Variants in SEPTIN6 observed in about 807,000 individuals in gnomAD.
SEPTIN6 encodes the protein septin-6.
A neutral mutation model predicts 33.6 loss-of-function variants in SEPTIN6; 8 were observed. The observed-to-expected ratio is 0.24, with a 90% CI of 0.14 to 0.43. The LOEUF (loss-of-function observed/expected upper bound fraction) is 0.43, where lower values mean the gene tolerates loss of function less well. Among genes scored for constraint, SEPTIN6 ranks in the 20% least tolerant of loss-of-function variants. The pLI, the probability that SEPTIN6 is intolerant of heterozygous loss-of-function variation, is 1.00. For missense variants in SEPTIN6, 250 were observed against 340.8 expected (o/e 0.73, Z 2.10); for synonymous variants, 131 against 140.0 (o/e 0.94, Z 0.45).
intron 2 of SEPTIN6, among the ~76,000 whole-genome samples, chrX:119,664,433 A>T (rs73602350): frequency 0.026 from 2,880 of 111,741 alleles, 65 homozygotes; most frequent in East Asian, 0.14. Context: ...TGTGGTTTTC[A>T]TCCCTTTCTT....
intron 3 of SEPTIN6, among the ~76,000 whole-genome samples, chrX:119,658,887 G>C (rs1488457769): frequency 8.9e-6 from 1 of 111,840 alleles, no homozygotes; most frequent in Non-Finnish European, 1.9e-5. Flanking sequence ...AGAATCCTTT[G>C]TCTGTTATTT....
chrX:119,629,646 T>C (rs997955390), intron 8 of SEPTIN6, 138 bp from the exon 9 acceptor site: 3 of 504,909 alleles, frequency 5.9e-6, no homozygotes, highest in African/African-American at 4.8e-5. Flanking sequence ...CTGTCAGGGA[T>C]TGCTATGATG....
At chrX:119,624,157 G>GTTTTTTTTTTTTTT (rs66945031) in intron 10 of SEPTIN6, 2 of 207,273 alleles carry the variant, frequency 9.6e-6, no homozygotes, top group South Asian at 5.4e-5. Flanking sequence ...TTTTTTTTTT[G>GTTTTTTTTTTTTTT]TTTTTTTTTT....
intron 4 of SEPTIN6, among the ~76,000 whole-genome samples, chrX:119,650,568 G>A (rs1036840446): frequency 9.0e-6 from 1 of 111,588 alleles, no homozygotes; most frequent in East Asian, 2.8e-4. Context: ...GCAGAAAGGT[G>A]ATAGCTGGGA....
At position 119,667,484 on chromosome X, in the gene SEPTIN6, T is replaced by A. The variant is rs1363510753; in HGVS notation, c.146-3807A>T. Among the ~76,000 whole-genome samples the A allele has an allele frequency of 2.7e-5, 3 of 110,370 alleles. No individual in the cohort carries two copies. In the East Asian group the frequency reaches 8.5e-4, roughly 31 times the overall value. On this transcript the variant is annotated intron_variant, in intron 2 of 10. Coordinates refer to ENST00000394610, the MANE Select transcript of SEPTIN6 (RefSeq NM_145799.4). The stretch of plus-strand genomic sequence containing the variant: ...CGTCTGGAAGAAAAGAACACCCGGG[T>A]GTCTAGGGAATTGAGATAAATGCAA...
At chrX:119,666,687 C>T (rs1284916091) in intron 2 of SEPTIN6, among the ~76,000 whole-genome samples, 1 of 111,688 alleles carries the variant, frequency 9.0e-6, no homozygotes, top group Non-Finnish European at 1.9e-5. Flanking sequence ...TCACACAGAT[C>T]ATGTTTCAAG....
chrX:119,692,651 T>G (rs766699448), intron 1 of SEPTIN6, among the ~76,000 whole-genome samples: 1 of 111,953 alleles, frequency 8.9e-6, no homozygotes, highest in South Asian at 3.6e-4. Context: ...CGCGCCTCTT[T>G]GCCTGTGCGG....
chrX:119,618,783 A>G lies in SEPTIN6; in HGVS notation c.*1310T>C, dbSNP rs747628804. ...AATACTATTCAGTACACAGCCATGG[A>G]TTACTGCAAAGGAAGGGCAGAGAGA... On this transcript the variant is annotated 3_prime_UTR_variant, in exon 11 of 11. Transcript: ENST00000394610. 2.5e-6 allele frequency: 3 copies of G among 1,210,539 alleles called. No homozygotes were observed. In the Admixed American group the frequency reaches 6.5e-5, roughly 26 times the overall value.
intron 10 of SEPTIN6, among the ~76,000 whole-genome samples, chrX:119,622,526 C>A (rs2053787101): frequency 9.0e-6 from 1 of 111,502 alleles, no homozygotes; most frequent in Admixed American, 9.6e-5. Flanking sequence ...GAGAATCCTG[C>A]CAGGAAGAGC....
intron 1 of SEPTIN6, among the ~76,000 whole-genome samples, chrX:119,689,013 G>C (rs1263418921): frequency 9.0e-6 from 1 of 111,305 alleles, no homozygotes; most frequent in Non-Finnish European, 1.9e-5. Context: ...GAGTGCAGCA[G>C]CAATCTTTTC....
intron 1 of SEPTIN6, among the ~76,000 whole-genome samples, chrX:119,685,779 G>A (rs6655441): frequency 4.7e-4 from 52 of 111,606 alleles, no homozygotes; most frequent in African/African-American, 1.5e-3. Context: ...CTGGAAACCC[G>A]TGAGCTCCCC....
Position 119,625,348 on chromosome X carries a change from C to T in SEPTIN6, c.*28G>A. 8.3e-7 allele frequency: 1 copy of T among 1,206,381 alleles called. No individual in the cohort carries two copies. The highest frequency in any genetic ancestry group is 1.1e-6 in the Non-Finnish European group (1 of 890,843). ...AATCAAGCTTACCAGGACCCTGGGT[C>T]TCATGCAGCATGCAGCAAACAGCAG... On this transcript the variant is annotated 3_prime_UTR_variant, in exon 10 of 11. Coordinates refer to ENST00000394610, the MANE Select transcript of SEPTIN6 (RefSeq NM_145799.4).
At chrX:119,675,501 G>C in intron 2 of SEPTIN6, 53 bp downstream of exon 2, 1 of 722,982 alleles carries the variant, frequency 1.4e-6, no homozygotes, top group East Asian at 3.8e-5. Flanking sequence ...GCCGTATCCA[G>C]CCATTAAGGA....
rs776663051 is a variant in SEPTIN6, at chrX:119,672,104, C to T, written c.145+3450G>A. 3.6e-5 allele frequency among the ~76,000 whole-genome samples: 4 copies of T among 111,893 alleles called. No individual in the cohort carries two copies. The East Asian group carries it at 1.1e-3, about 32-fold the overall frequency. ...GCGTGCATTGCAGGGTTTTTTGGAA[C>T]AGGGGTGAAATTAACCCAGTCGGGG... On this transcript the variant is annotated intron_variant, in intron 2 of 10. Transcript: ENST00000394610.
At chrX:119,673,831 G>A (rs180863134) in intron 2 of SEPTIN6, among the ~76,000 whole-genome samples, 2,501 of 67,947 alleles carry the variant, frequency 0.037, 48 homozygotes, top group Middle Eastern at 0.1. Flanking sequence ...GACAGCACAA[G>A]ACTCTGTCTC....
At chrX:119,675,178 C>A (rs1238162687) in intron 2 of SEPTIN6, among the ~76,000 whole-genome samples, 1 of 111,730 alleles carries the variant, frequency 9.0e-6, no homozygotes, top group Admixed American at 9.5e-5. Context: ...CAACCCACTG[C>A]CCACAGCTGG....
chrX:119,624,023 G>C (rs1306411682), intron 10 of SEPTIN6: 1 of 330,996 alleles, frequency 3.0e-6, no homozygotes, highest in South Asian at 2.9e-5. Context: ...TAGCACTCAG[G>C]AATCCTTACC....
intron 1 of SEPTIN6, among the ~76,000 whole-genome samples, chrX:119,680,341 T>C (rs2054932424): frequency 9.2e-6 from 1 of 108,946 alleles, no homozygotes; most frequent in East Asian, 2.9e-4. Context: ...CCGGAGTAGC[T>C]GGGACTACAG....
At chrX:119,667,278 G>T (rs2054657223) in intron 2 of SEPTIN6, among the ~76,000 whole-genome samples, 1 of 108,723 alleles carries the variant, frequency 9.2e-6, no homozygotes, top group South Asian at 4.1e-4. Flanking sequence ...CTAACCCAAG[G>T]TTCACACAGA....
Sources: gnomAD v4.1 joint callset for allele counts (sites outside exome capture counted in the v4.1 genomes callset) on GRCh38, gnomAD v4.1.1 for gene constraint, MANE v1.5 for transcripts, NCBI Gene and HGNC (gene_info 2026-07-23, HGNC 2026-07-21) for gene names.